The following FBXL19 variants were observed in gnomAD, a reference collection of about 807,000 sequenced individuals.
FBXL19 encodes the protein F-box and leucine rich repeat protein 19, also known as F-box/LRR-repeat protein 19.
A neutral mutation model predicts 71.2 loss-of-function variants in FBXL19; 16 were observed. The ratio of observed to expected loss-of-function variants is 0.22; its 90% CI spans 0.15 to 0.34. The LOEUF is 0.34. FBXL19 is among the 10% of genes least tolerant of loss of function. The pLI, the probability that FBXL19 is intolerant of heterozygous loss-of-function variation, is 1.00. For synonymous variants in FBXL19, 447 were observed against 409.4 expected (o/e 1.09, Z -1.11); for missense variants, 658 against 968.2 (o/e 0.68, Z 4.25).
rs533743612 is a variant in FBXL19, at chr16:30,925,735, C to T, written c.-20C>T. On this transcript the variant is annotated 5_prime_UTR_variant, in exon 2 of 11. Transcript: ENST00000338343. This position sits in a 1 kb window ranked among gnomAD's most constrained non-coding sequence, Gnocchi z 5.0. ...CCTGCCACCATCCACCTACAGCCCT[C>T]GGCGTTGCTGACGCCCCCAATGTCG... 38 of 1,490,856 alleles carry T rather than the reference C, an allele frequency of 2.5e-5. No homozygotes were observed. In the East Asian group the frequency reaches 7.9e-4, roughly 31 times the overall value. The allele number at this position is 1,490,856 out of a possible 1,614,324, so 92.4% of individuals were successfully genotyped here. A position where few individuals can be genotyped will look rare whatever the true frequency, so the allele number is the denominator to read the frequency against.
In FBXL19 at chr16:30,947,995, G is replaced by A. The variant is rs926202162; in HGVS notation, c.*765G>A. 2.6e-5 allele frequency: 10 copies of A among 379,004 alleles called. No individual in the cohort carries two copies. The highest frequency in any genetic ancestry group is 5.2e-5 in the Non-Finnish European group (10 of 193,002). 23.5% of individuals were successfully genotyped at this position (379,004 alleles called of 1,614,324 possible). On this transcript the variant is annotated 3_prime_UTR_variant, in exon 11 of 11. Transcript: ENST00000338343. ...GCCCCAACCCCCTGCCCGCCTCTCC[G>A]CACAATACTTGAACATTCATCTGTA... is the stretch of plus-strand genomic sequence containing the variant.
intron 6 of FBXL19, 88 bp from the exon 7 acceptor site, chr16:30,929,985 C>T: frequency 2.0e-6 from 3 of 1,508,306 alleles, no homozygotes; most frequent in Admixed American, 3.9e-5. Flanking sequence ...GTCCCTCGGG[C>T]TGTTCATCCC....
intron 7 of FBXL19, among the ~76,000 whole-genome samples, chr16:30,938,098 G>A (rs771041228): frequency 1.3e-5 from 2 of 152,120 alleles, no homozygotes; most frequent in Non-Finnish European, 2.9e-5. Flanking sequence ...GGAATCAGGA[G>A]AGGGAGAGGC....
Position 30,925,589 on chromosome 16 carries a change from A to G in FBXL19, c.-24-142A>G. On this transcript the variant is annotated intron_variant, in intron 1 of 10. Coordinates refer to ENST00000338343, the MANE Select transcript of FBXL19 (RefSeq NM_001382779.1). The surrounding 1 kb of genome is among the most constrained non-coding windows in gnomAD (Gnocchi z 5.0). ...GGCCTTGAGTAGAGGATTGGCCCCCAGATACACAGAAGGGGGTGACCTCCT... is the reference window on the plus strand; with the variant it reads ...GGCCTTGAGTAGAGGATTGGCCCCCGGATACACAGAAGGGGGTGACCTCCT... The G allele has an allele frequency of 1.1e-6, 1 of 883,280 alleles. No individual in the cohort carries two copies. The highest frequency in any genetic ancestry group is 1.6e-6 in the Non-Finnish European group (1 of 636,348). 54.7% of individuals were successfully genotyped at this position (883,280 alleles called of 1,614,324 possible). A position where few individuals can be genotyped will look rare whatever the true frequency, so the allele number is the denominator to read the frequency against.
At chr16:30,936,255 C>T (rs1356187630) in intron 7 of FBXL19, among the ~76,000 whole-genome samples, 1 of 152,142 alleles carries the variant, frequency 6.6e-6, no homozygotes, top group East Asian at 1.9e-4. Context: ...TAGTCTATGG[C>T]CTGGCATTCC....
rs1233860725 is a variant in FBXL19, at chr16:30,942,145, T to C, written c.1331T>C (p.Met444Thr). ...WCYDKRLWPR[M>T]DLSRRKSLTP... ...TATGACAAGCGTCTGTGGCCTCGAA[T>C]GGACCTGAGCCGGCGGAAGTCACTG... The change falls in exon 8 of 11, where the codon ATG becomes ACG. Residue 444 changes from methionine to threonine, a missense_variant. By Grantham distance (81) the Met-to-Thr change is moderately conservative. This residue lies in a region of FBXL19 where 38 missense variants were observed against 92.3 expected (regional missense o/e 0.41). Coordinates refer to ENST00000338343, the MANE Select transcript of FBXL19 (RefSeq NM_001382779.1). This position sits in a 1 kb window ranked among gnomAD's most constrained non-coding sequence, Gnocchi z 5.7. 6.3e-7 allele frequency: 1 copy of C among 1,597,178 alleles called. No homozygotes were observed. The highest frequency in any genetic ancestry group is 1.7e-5 in the Admixed American group (1 of 58,328).
Position 30,948,608 on chromosome 16 carries a change from A to G in FBXL19, c.*1378A>G, listed in dbSNP as rs1228090677. On this transcript the variant is annotated 3_prime_UTR_variant, in exon 11 of 11. Coordinates refer to ENST00000338343, the MANE Select transcript of FBXL19 (RefSeq NM_001382779.1). ...CGCGGGTGGGGGGAGGGCTGGGCGG[A>G]CCAAAGGCCGGAGGGGTGGGGCCTG... 2 of 130,954 alleles carry G rather than the reference A, an allele frequency of 1.5e-5. No individual in the cohort carries two copies. Among genetic ancestry groups the G allele is most frequent in the African/African-American group, 2.9e-5 (1 of 33,950 alleles). 8.1% of individuals were successfully genotyped at this position (130,954 alleles called of 1,614,324 possible).
chr16:30,944,026 T>C (rs1246077558), intron 9 of FBXL19, among the ~76,000 whole-genome samples: 4 of 152,112 alleles, frequency 2.6e-5, no homozygotes, highest in Non-Finnish European at 5.9e-5. Flanking sequence ...AGAATTGGAC[T>C]GAGTTGGAGA....
Position 30,930,537 on chromosome 16 carries a change from G to T in FBXL19, c.1254G>T (p.Pro418=), listed in dbSNP as rs373380087. ...TTCGCGTCTTCCAGCACCTCGGGCC[G>T]CGGGAGCTGTGTATCTGCATGCGAG... ...AWLRVFQHLG[P]RELCICMRVC... The change falls in exon 7 of 11, where the codon CCG becomes CCT. Residue 418 remains proline, a synonymous_variant. Transcript: ENST00000338343. This position sits in a 1 kb window ranked among gnomAD's most constrained non-coding sequence, Gnocchi z 8.5. 5 of 1,501,882 alleles carry T rather than the reference G, an allele frequency of 3.3e-6. No homozygotes were observed. The highest frequency in any genetic ancestry group is 4.4e-6 in the Non-Finnish European group (5 of 1,133,394). The allele number at this position is 1,501,882 out of a possible 1,614,324, so 93.0% of individuals were successfully genotyped here.
intron 7 of FBXL19, among the ~76,000 whole-genome samples, chr16:30,931,304 G>A (rs10782001): frequency 0.53 from 81,101 of 151,908 alleles, 24,054 homozygotes; most frequent in East Asian, 0.91. Context: ...GGCCTTCGGC[G>A]TGTTGACAAG....
chr16:30,947,433 T>G lies in FBXL19; in HGVS notation c.*203T>G. 10 of 566,834 alleles carry G rather than the reference T, an allele frequency of 1.8e-5. No individual in the cohort carries two copies. The highest frequency in any genetic ancestry group is 6.0e-5 in the East Asian group (2 of 33,472). 35.1% of individuals were successfully genotyped at this position (566,834 alleles called of 1,614,324 possible). On this transcript the variant is annotated 3_prime_UTR_variant, in exon 11 of 11. Coordinates refer to ENST00000338343, the MANE Select transcript of FBXL19 (RefSeq NM_001382779.1). The stretch of plus-strand genomic sequence containing the variant: ...TATCTCTGGGGGTTTCTCCTTCCTA[T>G]GTCCTGCCCCTGCTACCTGCTTCAT...
intron 1 of FBXL19, 166 bp downstream of exon 1, chr16:30,924,625 G>T: frequency 7.3e-7 from 1 of 1,373,910 alleles, no homozygotes; most frequent in Non-Finnish European, 9.4e-7. Context: ...TGGGGAACTG[G>T]CCCTCCTTCC....
chr16:30,927,950 C>T lies in FBXL19; in HGVS notation c.614C>T (p.Thr205Ile). The T allele has an allele frequency of 1.3e-6, 2 of 1,525,964 alleles. No individual in the cohort carries two copies. Among genetic ancestry groups the T allele is most frequent in the Non-Finnish European group, 1.7e-6 (2 of 1,144,584 alleles). 94.5% of individuals were successfully genotyped at this position (1,525,964 alleles called of 1,614,324 possible). The change falls in exon 5 of 11, where the codon ACC becomes ATC. Residue 205 changes from threonine (T) to isoleucine (I), a missense_variant. By Grantham distance (89) the Thr-to-Ile change is moderately conservative (BLOSUM62 -1). Transcript: ENST00000338343. ...AGGGAGGCAGGGAATGAGCCTCCCA[C>T]CCCAAGGAAAAAGGTGAGCCACGGA... ...KEREAGNEPP[T>I]PRKKVKGGRE...
At chr16:30,927,511 G>A (rs1047017254) in intron 3 of FBXL19, 60 bp downstream of exon 3, 35 of 1,560,068 alleles carry the variant, frequency 2.2e-5, no homozygotes, top group Middle Eastern at 1.7e-4. Flanking sequence ...GCAGAGAGTG[G>A]GGGATCACCC....
rs2055857167 is a variant in FBXL19 at position 30,946,232 on chromosome 16, C to T, written c.1628-498C>T. Reference sequence around the variant, plus strand: ...TTATTTATTTATTTTGAGATGGAGTCTCGCTCTGTTGCCCAGGCTGGGGTG... The same window carrying T: ...TTATTTATTTATTTTGAGATGGAGTTTCGCTCTGTTGCCCAGGCTGGGGTG... On this transcript the variant is annotated intron_variant, in intron 9 of 10. Coordinates refer to ENST00000338343, the MANE Select transcript of FBXL19 (RefSeq NM_001382779.1). This position sits in a 1 kb window ranked among gnomAD's most constrained non-coding sequence, Gnocchi z 6.7. Among the ~76,000 whole-genome samples, 1 of 152,128 alleles carries T rather than the reference C, an allele frequency of 6.6e-6. No homozygotes were observed.
rs2055860020 is a variant in FBXL19 at position 30,946,514 on chromosome 16, A to T, written c.1628-216A>T. On this transcript the variant is annotated intron_variant, in intron 9 of 10. Coordinates refer to ENST00000338343, the MANE Select transcript of FBXL19 (RefSeq NM_001382779.1). This position sits in a 1 kb window ranked among gnomAD's most constrained non-coding sequence, Gnocchi z 6.7. ...GCCACCACGCCTGGCAGAATATTGT[A>T]GTCTCAAATACAATAATCATGGAAG... is the stretch of plus-strand genomic sequence containing the variant. Among the ~76,000 whole-genome samples the T allele has an allele frequency of 6.6e-6, 1 of 152,200 alleles. No homozygotes were observed. Among genetic ancestry groups the T allele is most frequent in the African/African-American group, 2.4e-5 (1 of 41,448 alleles).
chr16:30,927,051 G>A (rs907618124), intron 2 of FBXL19, among the ~76,000 whole-genome samples: 3 of 152,162 alleles, frequency 2.0e-5, no homozygotes, highest in African/African-American at 7.2e-5. Flanking sequence ...AGTGTCTCTC[G>A]CGTATTATTT....
rs200096317 is a variant in FBXL19 at position 30,930,265 on chromosome 16, G to A, written c.982G>A (p.Gly328Ser). 137 of 1,612,656 alleles carry A rather than the reference G, an allele frequency of 8.5e-5. No individual in the cohort carries two copies. The Middle Eastern group carries it at 1.2e-3, about 14-fold the overall frequency. The stretch of plus-strand genomic sequence containing the variant: ...ATCGCTGAGTGAGGACGAAGCCCCC[G>A]GCGAGGCCCGGAATGGGCGACGGCC... ...GTSLSEDEAP[G>S]EARNGRRPAR... Residue 328 changes from glycine to serine, a missense_variant, in exon 7 of 11, where the codon GGC becomes AGC. Coordinates refer to ENST00000338343, the MANE Select transcript of FBXL19 (RefSeq NM_001382779.1). The surrounding 1 kb of genome is among the most constrained non-coding windows in gnomAD (Gnocchi z 8.5).
Position 30,928,626 on chromosome 16 carries a change from G to T in FBXL19, c.787G>T (p.Glu263Ter). 1 of 1,573,186 alleles carries T rather than the reference G, an allele frequency of 6.4e-7. No individual in the cohort carries two copies. The highest frequency in any genetic ancestry group is 8.6e-7 in the Non-Finnish European group (1 of 1,160,836). The change falls in exon 6 of 11, where the codon GAG becomes TAG. Residue 263 changes from glutamate (E) to a stop codon, truncating the protein, a stop_gained and splice_region_variant. Transcript: ENST00000338343. LOFTEE classifies it high-confidence loss of function. ...CCCTGGGCTCCCTCCCGAGAACTGG[G>T]AGGTGTGCCGGGGACCTCCTCCCTC... is the stretch of plus-strand genomic sequence containing the variant. ...CHPGLPPENWEKPKPPLASAE... is the reference protein window; with the variant it reads ...CHPGLPPENW
Sources: gnomAD v4.1 joint callset for allele counts (sites outside exome capture counted in the v4.1 genomes callset) on GRCh38, gnomAD v4.1.1 for gene constraint, gnomAD v4.1.1 regional missense constraint, Gnocchi (gnomAD v3.1) non-coding constraint, MANE v1.5 for transcripts, NCBI Gene and HGNC (gene_info 2026-07-23, HGNC 2026-07-21) for gene names.